KDM4C: variants seen among roughly 807,000 people sequenced by gnomAD.
KDM4C encodes the protein lysine demethylase 4C.
A neutral mutation model predicts 129.3 loss-of-function variants in KDM4C; 81 were observed. The ratio of observed to expected loss-of-function variants is 0.63; its 90% CI spans 0.52 to 0.75. The LOEUF is 0.75. KDM4C is among the 30% of genes least tolerant of loss of function. The probability of loss-of-function intolerance (pLI) is 0.00; values close to 1 mark genes in which losing one functional copy is unlikely to be tolerated. For synonymous variants in KDM4C, 573 were observed against 456.1 expected (o/e 1.26, Z -3.26); for missense variants, 1,457 against 1,304.0 (o/e 1.12, Z -1.81).
At chr9:7,156,785 G>C (rs550484719) in intron 19 of KDM4C, among the ~76,000 whole-genome samples, 4 of 152,122 alleles carry the variant, frequency 2.6e-5, no homozygotes, top group African/African-American at 9.7e-5. Flanking sequence ...GTCAGATAGC[G>C]TGATGTCTCC....
chr9:7,054,164 G>T (rs1441510726), intron 17 of KDM4C, among the ~76,000 whole-genome samples: 2 of 152,204 alleles, frequency 1.3e-5, no homozygotes, highest in Non-Finnish European at 2.9e-5. Context: ...CACTTTGTAG[G>T]ATAATAGGAG....
chr9:6,749,123 A>G (rs766200716), intron 1 of KDM4C: 5 of 419,298 alleles, frequency 1.2e-5, no homozygotes, highest in African/African-American at 2.1e-5. Context: ...AGGTTCAAGT[A>G]ATTCTCCTGC....
At position 6,837,165 on chromosome 9, in the gene KDM4C, G is replaced by A. The variant is rs558777145; in HGVS notation, c.436-12342G>A. 5.3e-5 allele frequency among the ~76,000 whole-genome samples: 8 copies of A among 152,106 alleles called. No homozygotes were observed. In the East Asian group the frequency reaches 9.7e-4, roughly 18 times the overall value. On this transcript the variant is annotated intron_variant, in intron 4 of 21. Coordinates refer to ENST00000381309, the MANE Select transcript of KDM4C (RefSeq NM_015061.6). ...CTCAGATTCTTGGGCTCAAGTGATC[G>A]TCCCACCTCAGCCTCCTGAGTAGCA... is the stretch of plus-strand genomic sequence containing the variant.
At position 7,015,847 on chromosome 9, in the gene KDM4C, T is replaced by C. The variant is rs774811865; in HGVS notation, c.2183-6T>C. ...TAACGCATGGATACATACTATTATTTTATAGGTTGTTATGGTATTCCTTCT... is the reference window on the plus strand; with the variant it reads ...TAACGCATGGATACATACTATTATTCTATAGGTTGTTATGGTATTCCTTCT... On this transcript the variant is annotated splice_polypyrimidine_tract_variant and splice_region_variant and intron_variant, in intron 14 of 21. Transcript: ENST00000381309. 1 of 1,601,404 alleles carries C rather than the reference T, an allele frequency of 6.2e-7. No individual in the cohort carries two copies. The highest frequency in any genetic ancestry group is 2.2e-5 in the East Asian group (1 of 44,768).
At chr9:6,746,465 C>G (rs1817879070) in intron 1 of KDM4C, among the ~76,000 whole-genome samples, 2 of 149,082 alleles carry the variant, frequency 1.3e-5, no homozygotes, top group Non-Finnish European at 3.0e-5. Flanking sequence ...GACAGGGTTT[C>G]ACCGTGTTAG....
chr9:6,922,017 C>G (rs1406533902), intron 8 of KDM4C, among the ~76,000 whole-genome samples: 4 of 152,188 alleles, frequency 2.6e-5, no homozygotes, highest in Admixed American at 2.6e-4. Context: ...TCTTCACAAT[C>G]CCAAGCTCTG....
intron 5 of KDM4C, among the ~76,000 whole-genome samples, chr9:6,868,465 G>C (rs1043491410): frequency 2.6e-5 from 4 of 152,094 alleles, no homozygotes; most frequent in Admixed American, 2.0e-4. Context: ...TGAACTGTTG[G>C]TTCCAGGTTC....
intron 17 of KDM4C, among the ~76,000 whole-genome samples, chr9:7,060,091 TTTTG>T (rs1307302475): frequency 7.9e-5 from 12 of 152,204 alleles, no homozygotes; most frequent in African/African-American, 1.7e-4. Context: ...CTTGCAATGA[TTTTG>T]TTTGTTTATT....
chr9:7,158,553 C>G (rs1843440273), intron 19 of KDM4C, among the ~76,000 whole-genome samples: 1 of 152,140 alleles, frequency 6.6e-6, no homozygotes, highest in South Asian at 2.1e-4. Context: ...TTTGTTCTCA[C>G]TGGTTTCAGA....
At chr9:6,754,853 C>A (rs1283157276), upstream of KDM4C, among the ~76,000 whole-genome samples, 1 of 123,226 alleles carries the variant, frequency 8.1e-6, no homozygotes, top group Admixed American at 1.0e-4. Context: ...CCAGTCTGGG[C>A]AACAGTGTGA....
At chr9:6,914,873 C>T (rs1820020190) in intron 8 of KDM4C, among the ~76,000 whole-genome samples, 1 of 152,194 alleles carries the variant, frequency 6.6e-6, no homozygotes, top group South Asian at 2.1e-4. Flanking sequence ...TACTTGCCAG[C>T]CTCTAAAACT....
intron 15 of KDM4C, among the ~76,000 whole-genome samples, chr9:7,038,307 A>AT (rs1345980942): frequency 6.6e-6 from 1 of 151,974 alleles, no homozygotes; most frequent in African/African-American, 2.4e-5. Flanking sequence ...CTCAAATTTC[A>AT]TTTTTTACAG....
At chr9:6,968,674 A>G (rs1348117354) in intron 8 of KDM4C, among the ~76,000 whole-genome samples, 1 of 152,226 alleles carries the variant, frequency 6.6e-6, no homozygotes, top group African/African-American at 2.4e-5. Context: ...TAGGCTTCCA[A>G]AAACCTTTGT....
rs549900865 is a variant in KDM4C at position 7,015,443 on chromosome 9, C to T, written c.2183-410C>T. ...TAACTCTGAATTTGCAGCATTTGCC[C>T]TATCATTGAGGTTAAAGGTAGTTAG... On this transcript the variant is annotated intron_variant, in intron 14 of 21. Transcript: ENST00000381309. 4.6e-5 allele frequency among the ~76,000 whole-genome samples: 7 copies of T among 152,126 alleles called. No homozygotes were observed. The South Asian group carries it at 1.2e-3, about 27-fold the overall frequency.
At chr9:7,010,221 A>G (rs1438790308) in intron 12 of KDM4C, among the ~76,000 whole-genome samples, 1 of 152,184 alleles carries the variant, frequency 6.6e-6, no homozygotes, top group Non-Finnish European at 1.5e-5. Context: ...AGATTACTTC[A>G]TTGCAAATAT....
Position 7,103,866 on chromosome 9 carries a change from A to T in KDM4C, c.2606A>T (p.Asn869Ile). 1 of 1,613,658 alleles carries T rather than the reference A, an allele frequency of 6.2e-7. No homozygotes were observed. Among genetic ancestry groups the T allele is most frequent in the Non-Finnish European group, 8.5e-7 (1 of 1,179,684 alleles). ...TGCTTTCGACATAAGGTCAACCCCA[A>T]CGTGGTAAGATGTGCCCTCCCTTCC... The part of the protein sequence containing the change: ...ITCFRHKVNP[N>I]VKSKACEKVI... Residue 869 changes from asparagine (N) to isoleucine (I), a missense_variant, in exon 18 of 22, where the codon AAC (asparagine) becomes ATC (isoleucine). Physicochemically the swap from Asn to Ile is moderately radical, Grantham distance 149 (BLOSUM62 -3). Coordinates refer to ENST00000381309, the MANE Select transcript of KDM4C (RefSeq NM_015061.6).
intron 17 of KDM4C, among the ~76,000 whole-genome samples, chr9:7,083,865 A>G (rs573814015): frequency 5.9e-5 from 9 of 152,244 alleles, no homozygotes; most frequent in Middle Eastern, 3.4e-3. Context: ...CTCTGTGAGA[A>G]TTTGATTTGA....
rs1304555293 is a variant in KDM4C, at chr9:6,879,995, T to TA, written c.630-16dup. 2 of 1,468,016 alleles carry TA rather than the reference T, an allele frequency of 1.4e-6. No homozygotes were observed. The highest frequency in any genetic ancestry group is 1.9e-6 in the Non-Finnish European group (2 of 1,070,570). 90.9% of individuals were successfully genotyped at this position (1,468,016 alleles called of 1,614,324 possible). On this transcript the variant is annotated splice_polypyrimidine_tract_variant and intron_variant, in intron 5 of 21. Coordinates refer to ENST00000381309, the MANE Select transcript of KDM4C (RefSeq NM_015061.6). ...AAATTATAAACCTAAAATTTTTACT[T>TA]ATGTTTAAAATTTTAGGTATGCTAT...
intron 15 of KDM4C, among the ~76,000 whole-genome samples, chr9:7,024,552 C>G (rs1283034949): frequency 1.4e-5 from 2 of 147,950 alleles, no homozygotes; most frequent in African/African-American, 2.5e-5. Context: ...TCTCATTGTT[C>G]AATTCCCACC....
Sources: gnomAD v4.1 joint callset for allele counts (sites outside exome capture counted in the v4.1 genomes callset) on GRCh38, gnomAD v4.1.1 for gene constraint, MANE v1.5 for transcripts, NCBI Gene and HGNC (gene_info 2026-07-23, HGNC 2026-07-21) for gene names.